SH3KBP1: variants seen among roughly 807,000 people sequenced by gnomAD.
The protein encoded by SH3KBP1 is SH3 domain-containing kinase-binding protein 1.
A neutral mutation model predicts 50.1 loss-of-function variants in SH3KBP1; 8 were observed. The observed-to-expected ratio is 0.16, with a 90% CI of 0.09 to 0.29. SH3KBP1 has a LOEUF of 0.29. Among genes scored for constraint, SH3KBP1 ranks in the 10% least tolerant of loss-of-function variants. The probability of loss-of-function intolerance (pLI) is 1.00; values close to 1 mark genes in which losing one functional copy is unlikely to be tolerated. For synonymous variants in SH3KBP1, 227 were observed against 218.6 expected, an observed-to-expected ratio of 1.04 and a Z score of -0.34; for missense variants, 377 against 535.2, an observed-to-expected ratio of 0.70 and a Z score of 2.92.
In SH3KBP1 at chrX:19,664,855, G is replaced by A. The variant is rs565446603; in HGVS notation, c.726+18968C>T. ...CTAACAATGCCTGAATGTAAAGGGA[G>A]TAAAGGGGTTTGAGGCAAGATGAAT... On this transcript the variant is annotated intron_variant, in intron 6 of 17. Transcript: ENST00000397821. 8.9e-5 allele frequency: 10 copies of A among 112,314 alleles called. No homozygotes were observed. The South Asian group carries it at 3.7e-3, about 42-fold the overall frequency. The allele number at this position is 112,314 out of a possible 1,213,427, so 9.3% of individuals were successfully genotyped here.
chrX:19,644,698 G>A (rs919208846), intron 7 of SH3KBP1, among the ~76,000 whole-genome samples: 1 of 111,753 alleles, frequency 8.9e-6, no homozygotes, highest in Admixed American at 9.5e-5. Context: ...ATAATTTTAC[G>A]TAGATAACAT....
At chrX:19,855,636 A>C (rs376796416) in intron 1 of SH3KBP1, among the ~76,000 whole-genome samples, 1 of 84,189 alleles carries the variant, frequency 1.2e-5, no homozygotes, top group Non-Finnish European at 2.4e-5. Context: ...TCAGTGCTAC[A>C]CATAGCCTCT....
intron 5 of SH3KBP1, among the ~76,000 whole-genome samples, chrX:19,684,415 T>C (rs1602998246): frequency 9.0e-6 from 1 of 111,611 alleles, no homozygotes; most frequent in African/African-American, 3.3e-5. Flanking sequence ...TACCACATAC[T>C]GTACCTCCAA....
At chrX:19,730,156 A>T (rs1009295889) in intron 3 of SH3KBP1, among the ~76,000 whole-genome samples, 15 of 111,622 alleles carry the variant, frequency 1.3e-4, no homozygotes, top group African/African-American at 4.6e-4. Flanking sequence ...GCTTTTTTTT[A>T]AAAAAGGTCA....
At chrX:19,626,383 T>TGA (rs2068020028) in intron 8 of SH3KBP1, among the ~76,000 whole-genome samples, 2 of 108,275 alleles carry the variant, frequency 1.8e-5, no homozygotes, top group Non-Finnish European at 3.8e-5. Flanking sequence ...TTCTTCGATG[T>TGA]ATGAATGAAT....
intron 6 of SH3KBP1, among the ~76,000 whole-genome samples, chrX:19,676,670 T>C (rs2062936509): frequency 8.9e-6 from 1 of 111,759 alleles, no homozygotes. Flanking sequence ...GAGATACGTA[T>C]GAAAATACTT....
intron 6 of SH3KBP1, among the ~76,000 whole-genome samples, chrX:19,682,333 T>TACACACACACACACACAC (rs59044973): frequency 3.2e-4 from 24 of 75,908 alleles, no homozygotes; most frequent in African/African-American, 1.1e-3. Flanking sequence ...ATAAGAGTCA[T>TACACACACACACACACAC]ACACACACAC....
chrX:19,838,886 CAAA>C (rs1187740894), intron 1 of SH3KBP1, among the ~76,000 whole-genome samples: 3 of 30,073 alleles, frequency 1.0e-4, no homozygotes, highest in African/African-American at 9.9e-5. Flanking sequence ...AACTTTGTCT[CAAA>C]AAAAAAAAAA....
At chrX:19,847,576 C>T in intron 1 of SH3KBP1, among the ~76,000 whole-genome samples, 1 of 112,049 alleles carries the variant, frequency 8.9e-6, no homozygotes, top group East Asian at 2.8e-4. Context: ...CTACTTTAGG[C>T]TCCCAGACAT....
At chrX:19,780,434 C>T (rs2147111840) in intron 2 of SH3KBP1, among the ~76,000 whole-genome samples, 1 of 92,673 alleles carries the variant, frequency 1.1e-5, no homozygotes, top group East Asian at 3.4e-4. Context: ...TGTGCAGAAG[C>T]TCTTTAGTTT....
At chrX:19,646,752 T>C (rs2061999378) in intron 6 of SH3KBP1, among the ~76,000 whole-genome samples, 1 of 112,578 alleles carries the variant, frequency 8.9e-6, no homozygotes, top group Non-Finnish European at 1.9e-5. Flanking sequence ...ATAAGATAAA[T>C]CAAATCCTCA....
intron 2 of SH3KBP1, among the ~76,000 whole-genome samples, chrX:19,834,972 T>C (rs1346032527): frequency 9.3e-6 from 1 of 107,291 alleles, no homozygotes; most frequent in Non-Finnish European, 1.9e-5. Flanking sequence ...GAGGTGGAGG[T>C]TGCAGTGAGC....
intron 3 of SH3KBP1, among the ~76,000 whole-genome samples, chrX:19,736,937 C>T (rs931321238): frequency 1.4e-3 from 136 of 100,422 alleles, no homozygotes; most frequent in African/African-American, 4.7e-3. Context: ...GACGGGTTCT[C>T]GCTCTGTCAC....
chrX:19,846,696 C>T (rs941664393), intron 1 of SH3KBP1, among the ~76,000 whole-genome samples: 4 of 112,047 alleles, frequency 3.6e-5, no homozygotes, highest in African/African-American at 1.3e-4. Context: ...AATGTAATTA[C>T]AGATTATGTG....
chrX:19,558,098 A>T (rs1038738994), intron 13 of SH3KBP1, among the ~76,000 whole-genome samples: 1 of 112,379 alleles, frequency 8.9e-6, no homozygotes, highest in Non-Finnish European at 1.9e-5. Context: ...ATGCAAAGTG[A>T]TCTGATAAAT....
chrX:19,658,593 C>A (rs2062357437), intron 6 of SH3KBP1, among the ~76,000 whole-genome samples: 1 of 111,193 alleles, frequency 9.0e-6, no homozygotes, highest in African/African-American at 3.3e-5. Context: ...GAGATGGTGT[C>A]TTGCATTGTC....
At chrX:19,663,042 AT>A (rs1378363709) in intron 6 of SH3KBP1, among the ~76,000 whole-genome samples, 1 of 111,311 alleles carries the variant, frequency 9.0e-6, no homozygotes, top group African/African-American at 3.3e-5. Context: ...GTTGTAAGTT[AT>A]CTTTTAAGAT....
At chrX:19,808,817 C>T (rs1357281649) in intron 2 of SH3KBP1, among the ~76,000 whole-genome samples, 2 of 112,162 alleles carry the variant, frequency 1.8e-5, no homozygotes, top group Non-Finnish European at 1.9e-5. Context: ...ACTCAGTTCT[C>T]TGTTAATTTC....
At chrX:19,819,272 TGC>T (rs2067449819) in intron 2 of SH3KBP1, among the ~76,000 whole-genome samples, 1 of 111,900 alleles carries the variant, frequency 8.9e-6, no homozygotes, top group African/African-American at 3.2e-5. Flanking sequence ...ATTCCTACTA[TGC>T]TAATTTGTGT....
Sources: allele counts gnomAD v4.1 joint callset (sites outside exome capture counted in the v4.1 genomes callset), GRCh38; gene constraint gnomAD v4.1.1; transcripts MANE v1.5; gene names NCBI Gene and HGNC (gene_info 2026-07-23, HGNC 2026-07-21).